AHNAK: variants seen among roughly 807,000 people sequenced by gnomAD.
The protein encoded by AHNAK is AHNAK nucleoprotein.
Under a neutral mutation model 37.8 loss-of-function variants are expected in AHNAK, and 23 were observed. The observed-to-expected ratio is 0.61, with a 90% CI of 0.44 to 0.86. The LOEUF (loss-of-function observed/expected upper bound fraction) is 0.86, where lower values mean the gene tolerates loss of function less well. AHNAK is among the 40% of genes least tolerant of loss of function. The pLI is 0.00. For missense variants in AHNAK, 7,411 were observed against 7,319.4 expected (o/e 1.01, Z -0.46); for synonymous variants, 2,481 against 2,636.3 (o/e 0.94, Z 1.80).
At chr11:62,493,698 T>C (rs970847350) in intron 4 of AHNAK, among the ~76,000 whole-genome samples, 2 of 151,964 alleles carry the variant, frequency 1.3e-5, no homozygotes, top group African/African-American at 4.8e-5. Flanking sequence ...CTTGAACTCC[T>C]GGGCTCAAGT....
At position 62,520,097 on chromosome 11, in the gene AHNAK, G is replaced by C. The variant is rs377734020; in HGVS notation, c.14320C>G (p.Pro4774Ala). 4.3e-5 allele frequency: 70 copies of C among 1,612,498 alleles called. No homozygotes were observed. The highest frequency in any genetic ancestry group is 5.7e-5 in the Non-Finnish European group (67 of 1,179,740). The change falls in exon 5 of 5, where the codon CCA becomes GCA. Residue 4774 changes from proline (P) to alanine (A), a missense_variant. By Grantham distance (27) the Pro-to-Ala change is conservative. Coordinates refer to ENST00000378024, the MANE Select transcript of AHNAK (RefSeq NM_001620.3). ...INTPDVDVHG[P>A]DWHLKMPKVK... ...TTGGGCATCTTCAGGTGCCAGTCTG[G>C]GCCATGAACATCCACATCAGGGGTG...
intron 4 of AHNAK, among the ~76,000 whole-genome samples, chr11:62,501,382 C>T (rs912387069): frequency 2.0e-5 from 3 of 152,072 alleles, no homozygotes; most frequent in South Asian, 4.1e-4. Context: ...TCCTGGCCAA[C>T]GTGATGAAAT....
chr11:62,527,021 T>G lies in AHNAK; in HGVS notation c.7396A>C (p.Lys2466Gln), dbSNP rs1940517672. 2 of 1,613,918 alleles carry G rather than the reference T, an allele frequency of 1.2e-6. No homozygotes were observed. The highest frequency in any genetic ancestry group is 1.3e-5 in the African/African-American group (1 of 74,922). The change falls in exon 5 of 5, where the codon AAA becomes CAA. Residue 2466 changes from lysine (K) to glutamine (Q), a missense_variant. Lys to Gln is a moderately conservative substitution (Grantham distance 53). Coordinates refer to ENST00000378024, the MANE Select transcript of AHNAK (RefSeq NM_001620.3). ...GACACATCCACATCCCCCTTGATTT[T>G]GGGTCCTTTGAGATTTAGATCAACA... ...PDVDLNLKGPKIKGDVDVSVP... is the reference protein window; with the variant it reads ...PDVDLNLKGPQIKGDVDVSVP...
downstream of AHNAK, among the ~76,000 whole-genome samples, chr11:62,513,123 C>T (rs1401191092): frequency 6.6e-6 from 1 of 152,222 alleles, no homozygotes; most frequent in East Asian, 1.9e-4. Context: ...CCTTGCTGAA[C>T]TCTGGGAAAG....
chr11:62,454,198 G>C (rs377556002), intron 5 of AHNAK, among the ~76,000 whole-genome samples: 8 of 151,724 alleles, frequency 5.3e-5, no homozygotes, highest in African/African-American at 1.9e-4. Context: ...CGGATCACGA[G>C]GTCAGGAGAT....
chr11:62,520,106 C>A lies in AHNAK; in HGVS notation c.14311G>T (p.Val4771Phe). ...TTCAGGTGCCAGTCTGGGCCATGAA[C>A]ATCCACATCAGGGGTGTTGATGTCC... The part of the protein sequence containing the change: ...KVDINTPDVD[V>F]HGPDWHLKMP... Residue 4771 changes from valine (V) to phenylalanine (F), a missense_variant, in exon 5 of 5, where the codon GTT (valine) becomes TTT (phenylalanine). Physicochemically the swap from Val to Phe is conservative, Grantham distance 50 (BLOSUM62 -1). Coordinates refer to ENST00000378024, the MANE Select transcript of AHNAK (RefSeq NM_001620.3). 1 of 1,612,216 alleles carries A rather than the reference C, an allele frequency of 6.2e-7. No homozygotes were observed.
In AHNAK at chr11:62,517,692, A is replaced by G. The variant is rs1050335557; in HGVS notation, c.16725T>C (p.Gly5575=). 20 of 1,613,614 alleles carry G rather than the reference A, an allele frequency of 1.2e-5. No homozygotes were observed. The highest frequency in any genetic ancestry group is 1.5e-5 in the Non-Finnish European group (18 of 1,179,958). The change falls in exon 5 of 5, where the codon GGT becomes GGC. Residue 5575 remains glycine (G), a synonymous_variant. Coordinates refer to ENST00000378024, the MANE Select transcript of AHNAK (RefSeq NM_001620.3). ...KIKGGADVSG[G]VSAPDISLGE... is the part of the protein sequence containing the mutation. ...CAAGGCTGATGTCTGGGGCACTGAC[A>G]CCCCCTGAAACATCCGCACCTCCTT...
At position 62,521,280 on chromosome 11, in the gene AHNAK, G is replaced by A; in HGVS notation, c.13137C>T (p.Asn4379=). The change falls in exon 5 of 5, where the codon AAC becomes AAT. Residue 4379 remains asparagine (N), a synonymous_variant. Coordinates refer to ENST00000378024, the MANE Select transcript of AHNAK (RefSeq NM_001620.3). ...KGPKFKMPEM[N]IKAPKISMPD... ...GCATGGAGATTTTGGGGGCCTTGAT[G>A]TTCATCTCTGGCATCTTGAACTTTG... 1.2e-6 allele frequency: 2 copies of A among 1,613,936 alleles called. No individual in the cohort carries two copies. Among genetic ancestry groups the A allele is most frequent in the Non-Finnish European group, 1.7e-6 (2 of 1,179,978 alleles).
chr11:62,527,390 C>T lies in AHNAK; in HGVS notation c.7027G>A (p.Gly2343Ser). 6.2e-7 allele frequency: 1 copy of T among 1,614,200 alleles called. No homozygotes were observed. The highest frequency in any genetic ancestry group is 8.5e-7 in the Non-Finnish European group (1 of 1,180,030). The change falls in exon 5 of 5, where the codon GGT becomes AGT. Residue 2343 changes from glycine (G) to serine (S), a missense_variant. Transcript: ENST00000378024. ...GGACCTTTGACATCCAATTCTGGAC[C>T]TTTTAACTCTCCCTCCAGCTTTGGG... ...SAPKLEGELK[G>S]PELDVKGPKL...
intron 5 of AHNAK, among the ~76,000 whole-genome samples, chr11:62,445,980 C>G (rs1035950694): frequency 2.6e-5 from 4 of 152,114 alleles, no homozygotes; most frequent in South Asian, 2.1e-4. Context: ...TGCACTCCAG[C>G]CTGGGCAACA....
At chr11:62,463,055 C>G (rs1336982133) in intron 5 of AHNAK, among the ~76,000 whole-genome samples, 3 of 140,788 alleles carry the variant, frequency 2.1e-5, no homozygotes, top group Non-Finnish European at 4.5e-5. Context: ...ACCCAGGAAG[C>G]AGAGGTTGCA....
In AHNAK at chr11:62,527,235, G is replaced by A; in HGVS notation, c.7182C>T (p.His2394=). Residue 2394 remains histidine (H), a synonymous_variant, in exon 5 of 5, where the codon CAC becomes CAT. Coordinates refer to ENST00000378024, the MANE Select transcript of AHNAK (RefSeq NM_001620.3). ...PKISMPDLDL[H]LKSPKAKGEV... ...CTCCTTTTGCCTTGGGGCTCTTCAA[G>A]TGTAGATCGAGGTCTGGCATAGAGA... The A allele has an allele frequency of 6.2e-7, 1 of 1,613,506 alleles. No individual in the cohort carries two copies. The highest frequency in any genetic ancestry group is 8.5e-7 in the Non-Finnish European group (1 of 1,179,800).
chr11:62,446,217 G>A (rs775484320), intron 5 of AHNAK, among the ~76,000 whole-genome samples: 4 of 152,060 alleles, frequency 2.6e-5, no homozygotes, highest in African/African-American at 7.2e-5. Flanking sequence ...TCACAGGCTC[G>A]GAGGGCGCCA....
At chr11:62,488,303 A>G (rs533338514) in intron 5 of AHNAK, among the ~76,000 whole-genome samples, 1 of 152,356 alleles carries the variant, frequency 6.6e-6, no homozygotes, top group East Asian at 1.9e-4. Flanking sequence ...GCATTTGGCA[A>G]CACAAACACT....
chr11:62,505,609 C>G (rs1939795930), intron 4 of AHNAK, among the ~76,000 whole-genome samples: 1 of 152,062 alleles, frequency 6.6e-6, no homozygotes, highest in African/African-American at 2.4e-5. Flanking sequence ...TGTCCTTTCT[C>G]CCTGTGAGTC....
intron 4 of AHNAK, among the ~76,000 whole-genome samples, chr11:62,492,794 C>T (rs868491568): frequency 6.6e-6 from 1 of 151,288 alleles, no homozygotes; most frequent in Non-Finnish European, 1.5e-5. Context: ...AGGAGGACTG[C>T]CTGAGTCCAG....
rs772135598 is a variant in AHNAK at position 62,517,072 on chromosome 11, G to A, written c.17345C>T (p.Ser5782Leu). ...KSKKPRHRSN[S>L]FSDEREFSGP... ...AGAGAACTCTCTTTCATCACTGAAT[G>A]AATTTGAGCGGTGCCGTGGCTTCTT... The change falls in exon 5 of 5, where the codon TCA becomes TTA. Residue 5782 changes from serine to leucine, a missense_variant. By Grantham distance (145) the Ser-to-Leu change is moderately radical (BLOSUM62 -2). Transcript: ENST00000378024. The A allele has an allele frequency of 6.2e-7, 1 of 1,614,174 alleles. No individual in the cohort carries two copies. Among genetic ancestry groups the A allele is most frequent in the Non-Finnish European group, 8.5e-7 (1 of 1,180,046 alleles).
intron 5 of AHNAK, among the ~76,000 whole-genome samples, chr11:62,450,693 C>A (rs1938518326): frequency 6.6e-6 from 1 of 152,200 alleles, no homozygotes; most frequent in African/African-American, 2.4e-5. Flanking sequence ...GCCTGCAATA[C>A]CCTCCTTGAG....
At chr11:62,458,059 G>A (rs551618641) in intron 5 of AHNAK, among the ~76,000 whole-genome samples, 102 of 151,354 alleles carry the variant, frequency 6.7e-4, no homozygotes, top group Middle Eastern at 6.9e-3. Flanking sequence ...GATTACAGGT[G>A]CCCGGCAACA....
Sources: gnomAD v4.1 joint callset for allele counts (sites outside exome capture counted in the v4.1 genomes callset) on GRCh38, gnomAD v4.1.1 for gene constraint, MANE v1.5 for transcripts, NCBI Gene and HGNC (gene_info 2026-07-23, HGNC 2026-07-21) for gene names.